Variants in DGLUCY observed in about 807,000 individuals in gnomAD.
DGLUCY encodes the protein D-glutamate cyclase, mitochondrial.
A neutral mutation model predicts 58.5 loss-of-function variants in DGLUCY; 58 were observed. The observed-to-expected ratio is 0.99, with a 90% CI of 0.80 to 1.23. The LOEUF (loss-of-function observed/expected upper bound fraction) is 1.23. DGLUCY is among the 50% of genes most tolerant of loss of function. DGLUCY has a pLI of 0.00. For synonymous variants in DGLUCY, 325 were observed against 314.1 expected, an observed-to-expected ratio of 1.03 and a Z score of -0.37; for missense variants, 779 against 784.7, an observed-to-expected ratio of 0.99 and a Z score of 0.09.
At chr14:91,098,893 T>C (rs1298262129) in intron 1 of DGLUCY, among the ~76,000 whole-genome samples, 6 of 152,220 alleles carry the variant, frequency 3.9e-5, no homozygotes, top group Admixed American at 3.9e-4. Flanking sequence ...TAGCAAGTAA[T>C]AGGCTCCTAT....
intron 1 of DGLUCY, among the ~76,000 whole-genome samples, chr14:91,149,397 A>G (rs1566967159): frequency 6.6e-6 from 1 of 152,082 alleles, no homozygotes; most frequent in Non-Finnish European, 1.5e-5. Context: ...AGTGATGGAG[A>G]TGTGTGGAGC....
chr14:91,224,535 AATGGTATTAGT>A, intron 13 of DGLUCY, 138 bp from the exon 14 acceptor site: 2 of 710,794 alleles, frequency 2.8e-6, no homozygotes, highest in East Asian at 3.0e-5. Flanking sequence ...TGACTTTTCC[AATGGTATTAGT>A]ACTTTAAACC....
chr14:91,189,252 A>G, intron 9 of DGLUCY, 82 bp downstream of exon 9: 1 of 1,542,020 alleles, frequency 6.5e-7, no homozygotes, highest in South Asian at 1.2e-5. Flanking sequence ...TCTGCAGTAC[A>G]GAGCATTCTC....
At chr14:91,136,543 G>A (rs1287176906) in intron 1 of DGLUCY, among the ~76,000 whole-genome samples, 2 of 151,148 alleles carry the variant, frequency 1.3e-5, no homozygotes, top group Non-Finnish European at 2.9e-5. Flanking sequence ...AATTAACCAG[G>A]CATGGTGGTA....
intron 1 of DGLUCY, among the ~76,000 whole-genome samples, chr14:91,071,822 C>T (rs1404165503): frequency 1.3e-5 from 2 of 150,402 alleles, no homozygotes; most frequent in African/African-American, 2.4e-5. Flanking sequence ...CAGCCAAGAT[C>T]GCGCCACTGC....
chr14:91,160,502 T>A, intron 3 of DGLUCY, 105 bp downstream of exon 3: 1 of 781,460 alleles, frequency 1.3e-6, no homozygotes. Flanking sequence ...TTCTAGATTC[T>A]GCATAGGAAA....
At position 91,160,311 on chromosome 14, in the gene DGLUCY, A is replaced by G. The variant is rs768432543; in HGVS notation, c.17A>G (p.His6Arg). The change falls in exon 3 of 14, where the codon CAC (histidine) becomes CGC (arginine). Residue 6 changes from histidine (H) to arginine (R), a missense_variant. Transcript: ENST00000256324. MPFTL[H>R]LRSRLPSAIR... ...GTTGACACGATGCCCTTCACACTCC[A>G]CCTGAGGTCCCGCCTTCCCTCTGCC... 1 of 1,611,912 alleles carries G rather than the reference A, an allele frequency of 6.2e-7. No individual in the cohort carries two copies. Among genetic ancestry groups the G allele is most frequent in the Non-Finnish European group, 8.5e-7 (1 of 1,179,228 alleles).
chr14:91,102,759 G>GTGTGTGTA (rs1555391109), intron 1 of DGLUCY, among the ~76,000 whole-genome samples: 5 of 150,410 alleles, frequency 3.3e-5, no homozygotes, highest in African/African-American at 9.8e-5. Context: ...GTGTGTGTGT[G>GTGTGTGTA]TGTGTGTGTG....
At chr14:91,062,221 T>G (rs2043708873) in intron 1 of DGLUCY, among the ~76,000 whole-genome samples, 1 of 152,128 alleles carries the variant, frequency 6.6e-6, no homozygotes, top group Non-Finnish European at 1.5e-5. Context: ...TCGTAATATA[T>G]TCTTCTTTTA....
chr14:91,206,915 C>G (rs60432564), intron 12 of DGLUCY, among the ~76,000 whole-genome samples: 28,772 of 151,722 alleles, frequency 0.19, 3,017 homozygotes, highest in Non-Finnish European at 0.23. Flanking sequence ...ATAATGCAAG[C>G]AGAGACATGA....
chr14:91,105,176 A>G (rs979870295), upstream of DGLUCY, among the ~76,000 whole-genome samples: 3 of 152,036 alleles, frequency 2.0e-5, no homozygotes, highest in African/African-American at 4.8e-5. Context: ...TTAGCTGGAC[A>G]TGGTGGTGCA....
intron 1 of DGLUCY, among the ~76,000 whole-genome samples, chr14:91,064,029 C>G: frequency 6.6e-6 from 1 of 152,128 alleles, no homozygotes; most frequent in East Asian, 1.9e-4. Flanking sequence ...ATATTTTGAA[C>G]TTGAAGGATT....
In DGLUCY at chr14:91,215,448, C is replaced by T; in HGVS notation, c.1608C>T (p.Tyr536=). 1 of 1,614,188 alleles carries T rather than the reference C, an allele frequency of 6.2e-7. No homozygotes were observed. Among genetic ancestry groups the T allele is most frequent in the Non-Finnish European group, 8.5e-7 (1 of 1,180,014 alleles). ...GCTATGCCCTGGCCTGCGCACTCTA[C>T]ATCCTGTACTCATGTGCTGTCCACA... is the stretch of plus-strand genomic sequence containing the variant. ...WGGYALACAL[Y]ILYSCAVHSQ... Residue 536 remains tyrosine (Y), a synonymous_variant, in exon 13 of 14, where the codon TAC becomes TAT. Transcript: ENST00000256324.
intron 8 of DGLUCY, among the ~76,000 whole-genome samples, chr14:91,188,254 G>A (rs147103836): frequency 6.0e-4 from 91 of 152,276 alleles, no homozygotes; most frequent in African/African-American, 2.1e-3. Context: ...AAAAGGGAAC[G>A]AGCTTGGAGG....
chr14:91,168,912 C>T (rs188903472), intron 4 of DGLUCY, among the ~76,000 whole-genome samples: 68 of 152,202 alleles, frequency 4.5e-4, no homozygotes, highest in African/African-American at 1.3e-3. Flanking sequence ...CGCGGTGAAA[C>T]GCTGTCTCTA....
upstream of DGLUCY, among the ~76,000 whole-genome samples, chr14:91,104,063 T>TTTTTTTTTTTTTTC (rs1555391194): frequency 4.1e-4 from 11 of 26,580 alleles, no homozygotes; most frequent in African/African-American, 1.3e-3. Context: ...AAAACATTCT[T>TTTTTTTTTTTTTTC]TTTTTTTTTT....
chr14:91,147,216 G>A (rs191041546), intron 1 of DGLUCY, among the ~76,000 whole-genome samples: 58 of 152,320 alleles, frequency 3.8e-4, no homozygotes, highest in Non-Finnish European at 4.4e-4. Context: ...AGGAGTGCGT[G>A]GTCCTCATCC....
At chr14:91,114,351 C>T (rs1302727259) in intron 1 of DGLUCY, 68 bp downstream of exon 1, 1 of 152,244 alleles carries the variant, frequency 6.6e-6, no homozygotes, top group Non-Finnish European at 1.5e-5. Flanking sequence ...CACCTTGCCC[C>T]GCCCCACCTA....
intron 8 of DGLUCY, among the ~76,000 whole-genome samples, chr14:91,182,073 C>T (rs989205422): frequency 2.7e-5 from 4 of 149,638 alleles, no homozygotes; most frequent in African/African-American, 4.9e-5. Context: ...CTCCATCTCC[C>T]GGGTTCAAGT....
Sources: gnomAD v4.1 joint callset for allele counts (sites outside exome capture counted in the v4.1 genomes callset) on GRCh38, gnomAD v4.1.1 for gene constraint, MANE v1.5 for transcripts, NCBI Gene and HGNC (gene_info 2026-07-23, HGNC 2026-07-21) for gene names.